AEN: variants seen among roughly 807,000 people sequenced by gnomAD.
AEN encodes apoptosis-enhancing nuclease.
A neutral mutation model predicts 17.7 loss-of-function variants in AEN; 21 were observed. The ratio of observed to expected loss-of-function variants is 1.19; its 90% CI spans 0.84 to 1.71. The LOEUF is 1.71. AEN is among the 40% of genes most tolerant of loss of function. The pLI, the probability that AEN is intolerant of heterozygous loss-of-function variation, is 0.00. For synonymous variants in AEN, 190 were observed against 173.0 expected (o/e 1.10, Z -0.77); for missense variants, 462 against 435.9 (o/e 1.06, Z -0.53).
chr15:88,629,983 A>T, intron 3 of AEN, 75 bp from the exon 4 acceptor site: 1 of 1,420,538 alleles, frequency 7.0e-7, no homozygotes, highest in South Asian at 1.2e-5. Flanking sequence ...AGCCCTGGGA[A>T]ACTGGCCTTG....
chr15:88,607,808 G>A, the AEN span, among the ~76,000 whole-genome samples: 1 of 151,922 alleles, frequency 6.6e-6, no homozygotes, highest in Non-Finnish European at 1.5e-5. Flanking sequence ...AAATTCGCTC[G>A]GTGAACTGAC....
chr15:88,611,282 T>C, the AEN span, among the ~76,000 whole-genome samples: 1 of 151,988 alleles, frequency 6.6e-6, no homozygotes, highest in Non-Finnish European at 1.5e-5. Flanking sequence ...TCTTTAAAAA[T>C]AATTCCCCTG....
intron 1 of AEN, among the ~76,000 whole-genome samples, chr15:88,624,055 C>T (rs2057820233): frequency 6.6e-6 from 1 of 152,210 alleles, no homozygotes; most frequent in South Asian, 2.1e-4. Context: ...CAGGAAGCCT[C>T]CAGAGAATTG....
At chr15:88,612,719 G>A in the AEN span, among the ~76,000 whole-genome samples, 159 of 152,056 alleles carry the variant, frequency 1.0e-3, 2 homozygotes, top group East Asian at 0.022. Context: ...TTGTGCCTCA[G>A]CCTCCCGACT....
At chr15:88,620,640 T>C (rs8028104), upstream of AEN, among the ~76,000 whole-genome samples, 117,747 of 151,750 alleles carry the variant, frequency 0.78, 48,383 homozygotes, top group Non-Finnish European at 0.91. Flanking sequence ...AACTCCTGAC[T>C]TCAGGTGATC....
upstream of AEN, among the ~76,000 whole-genome samples, chr15:88,620,746 C>T (rs2057776412): frequency 6.6e-6 from 1 of 152,132 alleles, no homozygotes. Flanking sequence ...CTTGCTGTTT[C>T]CCTGCTGTTA....
At chr15:88,613,183 G>C in the AEN span, among the ~76,000 whole-genome samples, 3 of 152,164 alleles carry the variant, frequency 2.0e-5, no homozygotes, top group Non-Finnish European at 2.9e-5. Context: ...GTTGCTAGCT[G>C]TGTGACCTCT....
rs2057911977 is a variant in AEN at position 88,630,294 on chromosome 15, A to C, written c.978A>C (p.Ter326CysextTer15). 5 of 1,573,912 alleles carry C rather than the reference A, an allele frequency of 3.2e-6. No individual in the cohort carries two copies. The highest frequency in any genetic ancestry group is 4.3e-6 in the Non-Finnish European group (5 of 1,160,174). ...GAREAQDRRN[*>C] ...GGGAGGCACAGGACAGAAGGAATTG[A>C]GAAGGGGGCGGGGCTCCCTGGCTGG... Residue 326 changes from the stop codon to cysteine, a stop_lost, in exon 4 of 4, where the codon TGA (stop) becomes TGC (cysteine). Coordinates refer to ENST00000332810, the MANE Select transcript of AEN (RefSeq NM_022767.4). This position sits in a 1 kb window ranked among gnomAD's most constrained non-coding sequence, Gnocchi z 5.1.
At chr15:88,614,144 G>C in the AEN span, among the ~76,000 whole-genome samples, 1 of 152,146 alleles carries the variant, frequency 6.6e-6, no homozygotes, top group Admixed American at 6.5e-5. Context: ...GGCCTGCAGA[G>C]GTTGTGACTT....
In AEN at chr15:88,631,038, A is replaced by G. The variant is rs536868202; in HGVS notation, c.*744A>G. ...CCAGGCACAGCTCAGGGAGGAGGGA[A>G]GGCAGGTAAGCTTTGGACGAGAACT... On this transcript the variant is annotated 3_prime_UTR_variant, in exon 4 of 4. Transcript: ENST00000332810. 4.5e-5 allele frequency: 20 copies of G among 445,530 alleles called. No individual in the cohort carries two copies. The East Asian group carries it at 8.5e-4, about 19-fold the overall frequency. The allele number at this position is 445,530 out of a possible 1,614,324, so 27.6% of individuals were successfully genotyped here. A position where few individuals can be genotyped will look rare whatever the true frequency, so the allele number is the denominator to read the frequency against.
upstream of AEN, among the ~76,000 whole-genome samples, chr15:88,617,571 G>GA (rs1393118963): frequency 1.3e-5 from 2 of 152,220 alleles, no homozygotes; most frequent in South Asian, 2.1e-4. Flanking sequence ...TAAAGTACAT[G>GA]AAAAAACTAT....
At chr15:88,610,389 G>C in the AEN span, among the ~76,000 whole-genome samples, 1 of 151,544 alleles carries the variant, frequency 6.6e-6, no homozygotes, top group Non-Finnish European at 1.5e-5. Context: ...GGGGAAAGGA[G>C]GTCTCAGTTT....
At chr15:88,611,410 A>G in the AEN span, among the ~76,000 whole-genome samples, 17 of 149,848 alleles carry the variant, frequency 1.1e-4, no homozygotes, top group Admixed American at 5.3e-4. Flanking sequence ...AGCCTGGGCA[A>G]TATACTGAGA....
upstream of AEN, among the ~76,000 whole-genome samples, chr15:88,617,464 G>C (rs536793896): frequency 2.0e-5 from 3 of 152,250 alleles, no homozygotes; most frequent in African/African-American, 7.2e-5. Flanking sequence ...TGTTGGCCAG[G>C]CTGGTCTCAA....
At chr15:88,605,534 C>T in the AEN span, among the ~76,000 whole-genome samples, 3 of 152,226 alleles carry the variant, frequency 2.0e-5, no homozygotes, top group Non-Finnish European at 4.4e-5. This position sits in a 1 kb window ranked among gnomAD's most constrained non-coding sequence, Gnocchi z 7.6. Context: ...ACCAGGAGAC[C>T]ACTGGGTAAT....
intron 2 of AEN, 39 bp from the exon 3 acceptor site, chr15:88,629,182 ATGGGG>A: frequency 6.3e-7 from 1 of 1,599,080 alleles, no homozygotes; most frequent in East Asian, 2.2e-5. Context: ...TGCCAACCTG[ATGGGG>A]TGTGGGGTGA....
rs561628527 is a variant in AEN at position 88,630,425 on chromosome 15, T to G, written c.*131T>G. 556 of 810,392 alleles carry G rather than the reference T, an allele frequency of 6.9e-4. 1 individual carries two copies. Among genetic ancestry groups the G allele is most frequent in the Admixed American group, 1.2e-3 (48 of 41,308 alleles). 50.2% of individuals were successfully genotyped at this position (810,392 alleles called of 1,614,324 possible). On this transcript the variant is annotated 3_prime_UTR_variant, in exon 4 of 4. Transcript: ENST00000332810. The surrounding 1 kb of genome is among the most constrained non-coding windows in gnomAD (Gnocchi z 5.1). ...TGAGCCAGCCCCAGGGCCAGAGGAG[T>G]AGGGGTCATCTGTTACCTTGACACC...
chr15:88,618,192 C>G (rs952633010), upstream of AEN, among the ~76,000 whole-genome samples: 9 of 152,192 alleles, frequency 5.9e-5, no homozygotes, highest in African/African-American at 2.2e-4. Context: ...TAAATAAAAT[C>G]TCTCTTTATC....
At chr15:88,621,568 T>A (rs1189515951) in intron 1 of AEN, 186 bp downstream of exon 1, 1 of 152,230 alleles carries the variant, frequency 6.6e-6, no homozygotes, top group Non-Finnish European at 1.5e-5. Flanking sequence ...GCCCTCGCTC[T>A]GCTCGGGGGT....
Sources: gnomAD v4.1 joint callset for allele counts (sites outside exome capture counted in the v4.1 genomes callset) on GRCh38, gnomAD v4.1.1 for gene constraint, Gnocchi (gnomAD v3.1) non-coding constraint, MANE v1.5 for transcripts, NCBI Gene and HGNC (gene_info 2026-07-23, HGNC 2026-07-21) for gene names.